The following P4HA1 variants were observed in gnomAD, a reference collection of about 807,000 sequenced individuals.
The protein encoded by P4HA1 is prolyl 4-hydroxylase subunit alpha-1.
Under a neutral mutation model 72.8 loss-of-function variants are expected in P4HA1, and 24 were observed. The observed-to-expected ratio is 0.33, with a 90% confidence interval of 0.24 to 0.46. The LOEUF (loss-of-function observed/expected upper bound fraction) is 0.46, where lower values mean the gene tolerates loss of function less well. Among genes scored for constraint, P4HA1 ranks in the 20% least tolerant of loss-of-function variants. The pLI, the probability that P4HA1 is intolerant of heterozygous loss-of-function variation, is 1.00. For missense variants in P4HA1, 446 were observed against 640.6 expected (o/e 0.70, Z 3.28); for synonymous variants, 201 against 218.8 (o/e 0.92, Z 0.72).
rs1839972433 is a variant in P4HA1 at position 73,014,421 on chromosome 10, G to A, written c.1303-132C>T. On this transcript the variant is annotated intron_variant, in intron 11 of 14. Transcript: ENST00000394890. ...CAACCGCAAAAGTTTCCCTTGTAAT[G>A]TCCAGTGCACTATAAACATCAGGCA... 17 of 670,072 alleles carry A rather than the reference G, an allele frequency of 2.5e-5. No homozygotes were observed. The South Asian group carries it at 2.8e-4, about 11-fold the overall frequency. 41.5% of individuals were successfully genotyped at this position (670,072 alleles called of 1,614,324 possible). A position where few individuals can be genotyped will look rare whatever the true frequency, so the allele number is the denominator to read the frequency against.
intron 5 of P4HA1, among the ~76,000 whole-genome samples, chr10:73,064,495 T>G (rs78048323): frequency 3.1e-4 from 47 of 151,182 alleles, no homozygotes; most frequent in African/African-American, 1.0e-3. Context: ...ATAAAGAAAA[T>G]AAAGAAAATA....
At chr10:73,050,978 T>C (rs1841005541) in intron 7 of P4HA1, 75 bp downstream of exon 7, 10 of 1,029,864 alleles carry the variant, frequency 9.7e-6, no homozygotes, top group South Asian at 6.2e-5. Context: ...ATAAAATAAC[T>C]GATTCTCTCC....
Position 73,045,021 on chromosome 10 carries a change from T to C in P4HA1, c.1108A>G (p.Thr370Ala), listed in dbSNP as rs1265537483. Residue 370 changes from threonine (T) to alanine (A), a missense_variant, in exon 9 of 15, where the codon ACA (threonine) becomes GCA (alanine). By Grantham distance (58) the Thr-to-Ala change is moderately conservative. Coordinates refer to ENST00000394890, the MANE Select transcript of P4HA1 (RefSeq NM_001017962.3). ...LRRATISNPI[T>A]GDLETVHYRI... ...TAATGTACCGTCTCCAAGTCTCCTG[T>C]TATTGGGTTTGAAATGGTGGCTCGC... 1.7e-5 allele frequency: 27 copies of C among 1,613,668 alleles called. No individual in the cohort carries two copies. Among genetic ancestry groups the C allele is most frequent in the Non-Finnish European group, 2.2e-5 (26 of 1,179,682 alleles).
chr10:73,092,727 A>C (rs1346213083), intron 1 of P4HA1, among the ~76,000 whole-genome samples: 1 of 151,980 alleles, frequency 6.6e-6, no homozygotes, highest in Non-Finnish European at 1.5e-5. Context: ...AAAATTGGTT[A>C]AAGTTTACTG....
At chr10:73,055,481 G>A (rs565537275) in intron 5 of P4HA1, among the ~76,000 whole-genome samples, 3 of 152,312 alleles carry the variant, frequency 2.0e-5, no homozygotes, top group Admixed American at 2.0e-4. Context: ...TGGGATTACA[G>A]GTGTGAGCCA....
chr10:73,068,210 CAGTG>C (rs554146157), intron 5 of P4HA1, among the ~76,000 whole-genome samples: 2 of 152,136 alleles, frequency 1.3e-5, no homozygotes, highest in Non-Finnish European at 2.9e-5. Flanking sequence ...CAACTCATCC[CAGTG>C]ATTTTTTCTT....
intron 11 of P4HA1, among the ~76,000 whole-genome samples, chr10:73,016,069 T>C (rs1387106614): frequency 6.6e-6 from 1 of 152,192 alleles, no homozygotes; most frequent in Non-Finnish European, 1.5e-5. Flanking sequence ...TTTGGGCTTC[T>C]GGTATTTACC....
intron 1 of P4HA1, among the ~76,000 whole-genome samples, chr10:73,084,145 G>C (rs1052123501): frequency 2.6e-5 from 4 of 152,174 alleles, no homozygotes; most frequent in African/African-American, 9.6e-5. Flanking sequence ...TGATAAGACA[G>C]CTTTGGTTTT....
In P4HA1 at chr10:73,072,083, G is replaced by A. The variant is rs967417973; in HGVS notation, c.271C>T (p.Leu91=). Residue 91 remains leucine, a synonymous_variant, in exon 4 of 15, where the codon CTG becomes TTG. Transcript: ENST00000394890. ...PVNAFKLMKR[L]NTEWSELENL... ...TCCAACTCACTCCACTCAGTATTCA[G>A]ACGTTTCATTAATTTGAATGCATTT... The A allele has an allele frequency of 3.7e-6, 6 of 1,612,996 alleles. 1 individual carries two copies. The highest frequency in any genetic ancestry group is 4.5e-5 in the East Asian group (2 of 44,844).
At position 73,053,381 on chromosome 10, in the gene P4HA1, G is replaced by C. The variant is rs753442855; in HGVS notation, c.673C>G (p.Leu225Val). 6.2e-7 allele frequency: 1 copy of C among 1,614,100 alleles called. No homozygotes were observed. The highest frequency in any genetic ancestry group is 2.2e-5 in the East Asian group (1 of 44,878). Residue 225 changes from leucine to valine, a missense_variant, in exon 6 of 15, where the codon CTT (leucine) becomes GTT (valine). Coordinates refer to ENST00000394890, the MANE Select transcript of P4HA1 (RefSeq NM_001017962.3). ...VYQQGDLDKA[L>V]LLTKKLLELD... ...TCAAGAAGCTTCTTTGTGAGCAAAA[G>C]TGCCTTATCCAGGTCTCCCTGCTGA...
At chr10:73,093,868 A>AAT (rs1842093884) in intron 1 of P4HA1, among the ~76,000 whole-genome samples, 9 of 69,618 alleles carry the variant, frequency 1.3e-4, no homozygotes, top group African/African-American at 5.8e-4. Context: ...AAAAAAAAAA[A>AAT]AAAAAATATA....
At chr10:73,046,787 T>A (rs1840875988) in intron 8 of P4HA1, 138 bp downstream of exon 8, 1 of 633,046 alleles carries the variant, frequency 1.6e-6, no homozygotes, top group East Asian at 2.7e-5. Flanking sequence ...GCATCATTAG[T>A]AACTCCATTA....
chr10:73,012,223 T>C (rs532706348), intron 12 of P4HA1, among the ~76,000 whole-genome samples: 4 of 152,290 alleles, frequency 2.6e-5, no homozygotes, highest in South Asian at 2.1e-4. Flanking sequence ...TAAACACTAA[T>C]GGCTTTTAAA....
At chr10:73,070,883 T>TA (rs1841542822) in intron 4 of P4HA1, among the ~76,000 whole-genome samples, 1 of 152,078 alleles carries the variant, frequency 6.6e-6, no homozygotes, top group Admixed American at 6.5e-5. Context: ...CGATTTCCTT[T>TA]AAAAAATGGT....
chr10:73,093,142 GAGTA>G (rs1842073707), intron 1 of P4HA1, among the ~76,000 whole-genome samples: 1 of 150,332 alleles, frequency 6.7e-6, no homozygotes, highest in South Asian at 2.1e-4. Context: ...AAAAAAGAGA[GAGTA>G]AGGCTGAGTG....
chr10:73,089,914 G>A (rs755366080), intron 1 of P4HA1, among the ~76,000 whole-genome samples: 2 of 152,248 alleles, frequency 1.3e-5, no homozygotes, highest in South Asian at 2.1e-4. Context: ...TTGGCTCACC[G>A]CAGCCTTAAT....
chr10:73,026,533 G>A (rs1368127305), intron 10 of P4HA1, among the ~76,000 whole-genome samples: 1 of 152,134 alleles, frequency 6.6e-6, no homozygotes, highest in Non-Finnish European at 1.5e-5. Flanking sequence ...TACCATTCAG[G>A]ACATAGGCAT....
chr10:73,040,095 C>T (rs1261515416), intron 9 of P4HA1, among the ~76,000 whole-genome samples: 1 of 151,860 alleles, frequency 6.6e-6, no homozygotes, highest in Non-Finnish European at 1.5e-5. Flanking sequence ...GTCTCAAGCT[C>T]CTGGGCTCAA....
At chr10:73,011,356 C>T (rs75353143) in intron 12 of P4HA1, among the ~76,000 whole-genome samples, 7,690 of 152,108 alleles carry the variant, frequency 0.051, 664 homozygotes, top group African/African-American at 0.18. Context: ...AGTCAATACA[C>T]AGATATAAAT....
Sources: gnomAD v4.1 joint callset for allele counts (sites outside exome capture counted in the v4.1 genomes callset) on GRCh38, gnomAD v4.1.1 for gene constraint, MANE v1.5 for transcripts, NCBI Gene and HGNC (gene_info 2026-07-23, HGNC 2026-07-21) for gene names.